The following CSMD2 variants were observed in gnomAD, a reference collection of about 807,000 sequenced individuals.
CSMD2 encodes CUB and Sushi multiple domains 2.
Under a neutral mutation model 398.5 loss-of-function variants are expected in CSMD2, and 130 were observed. That is an observed-to-expected ratio of 0.33 (90% CI 0.28 to 0.38). The LOEUF (loss-of-function observed/expected upper bound fraction) is 0.38, where lower values mean the gene tolerates loss of function less well. Ranked by LOEUF, CSMD2 falls within the 10% of genes least tolerant of loss-of-function variation. CSMD2 has a pLI of 1.00. For missense variants in CSMD2, 3,829 were observed against 4,764.9 expected (o/e 0.80, Z 5.78); for synonymous variants, 1,828 against 1,908.5 (o/e 0.96, Z 1.10).
rs183286325 is a variant in CSMD2, at chr1:33,530,670, T to C, written c.10171+2380A>G. On this transcript the variant is annotated intron_variant, in intron 64 of 70. Coordinates refer to ENST00000373381, the MANE Select transcript of CSMD2 (RefSeq NM_001281956.2). Reference sequence around the variant, plus strand: ...ATGTTTATTGAGGCATTATTCATAATAGCCAAGATACGGAAACAACCTAAG... The same window carrying C: ...ATGTTTATTGAGGCATTATTCATAACAGCCAAGATACGGAAACAACCTAAG... Among the ~76,000 whole-genome samples, 299 of 152,312 alleles carry C rather than the reference T, an allele frequency of 2.0e-3. 1 individual carries two copies. Among genetic ancestry groups the C allele is most frequent in the Non-Finnish European group, 3.0e-3 (201 of 68,018 alleles).
At position 33,540,595 on chromosome 1, in the gene CSMD2, C is replaced by T. The variant is rs758074673; in HGVS notation, c.9561G>A (p.Gln3187=). ...SVTYACLEGY[Q]LSLPAVFTCE... ...AGGTGAACACCGCGGGCAGGGAGAG[C>T]TGGTACCCCTCCAGGCAGGCATAAG... The change falls in exon 60 of 71, where the codon CAG becomes CAA. Residue 3187 remains glutamine, a synonymous_variant. Coordinates refer to ENST00000373381, the MANE Select transcript of CSMD2 (RefSeq NM_001281956.2). The T allele has an allele frequency of 6.2e-7, 1 of 1,614,214 alleles. No individual in the cohort carries two copies. The highest frequency in any genetic ancestry group is 1.7e-5 in the Admixed American group (1 of 60,026).
intron 44 of CSMD2, chr1:33,599,136 T>C (rs963080085): frequency 7.2e-5 from 11 of 152,212 alleles, no homozygotes; most frequent in Admixed American, 2.0e-4. Context: ...ATTTACACCA[T>C]AGCAAGGGCC....
At chr1:34,079,119 T>G (rs770265076) in intron 2 of CSMD2, among the ~76,000 whole-genome samples, 19 of 152,136 alleles carry the variant, frequency 1.2e-4, no homozygotes, top group Non-Finnish European at 1.0e-4. Context: ...AAATTTTTAT[T>G]AGAAGGGTAT....
At chr1:33,853,732 A>G (rs1033637333) in intron 5 of CSMD2, among the ~76,000 whole-genome samples, 1 of 152,110 alleles carries the variant, frequency 6.6e-6, no homozygotes, top group Non-Finnish European at 1.5e-5. Flanking sequence ...AGGCCATGGG[A>G]GTGCTGGGTA....
At chr1:34,112,007 TC>T (rs1558405842) in intron 1 of CSMD2, among the ~76,000 whole-genome samples, 15 of 151,640 alleles carry the variant, frequency 9.9e-5, no homozygotes, top group African/African-American at 3.1e-4. Flanking sequence ...TCTCTCTCTC[TC>T]TCTCTCTCTC....
intron 1 of CSMD2, among the ~76,000 whole-genome samples, chr1:34,158,791 C>T (rs1641042462): frequency 6.6e-6 from 1 of 152,198 alleles, no homozygotes; most frequent in Admixed American, 6.5e-5. Context: ...ATCCCGCCTT[C>T]TTTACCTACC....
intron 5 of CSMD2, among the ~76,000 whole-genome samples, chr1:33,900,619 A>C (rs774786401): frequency 1.3e-4 from 20 of 152,182 alleles, no homozygotes; most frequent in Non-Finnish European, 2.4e-4. Context: ...TCTACTAAAA[A>C]TACAAATAAA....
intron 3 of CSMD2, among the ~76,000 whole-genome samples, chr1:34,014,696 G>A (rs1647837557): frequency 6.6e-6 from 1 of 152,264 alleles, no homozygotes; most frequent in African/African-American, 2.4e-5. Flanking sequence ...AAGGGCAAGG[G>A]CTGGTGCTAC....
At position 33,522,436 on chromosome 1, in the gene CSMD2, C is replaced by T. The variant is rs76916852; in HGVS notation, c.10509+871G>A. ...TTGTTCCTGCACAGCTTTTGGGCCACGATGATTGAAGCTGGCCCATACTTG... is the reference window on the plus strand; with the variant it reads ...TTGTTCCTGCACAGCTTTTGGGCCATGATGATTGAAGCTGGCCCATACTTG... On this transcript the variant is annotated intron_variant, in intron 67 of 70. Coordinates refer to ENST00000373381, the MANE Select transcript of CSMD2 (RefSeq NM_001281956.2). Among the ~76,000 whole-genome samples the T allele has an allele frequency of 7.6e-3, 1,152 of 152,244 alleles. 5 individuals are homozygous for T. The highest frequency in any genetic ancestry group is 0.013 in the Non-Finnish European group (853 of 68,010).
chr1:33,932,558 C>T (rs1194437671), intron 4 of CSMD2, among the ~76,000 whole-genome samples: 2 of 152,154 alleles, frequency 1.3e-5, no homozygotes, highest in Non-Finnish European at 2.9e-5. Context: ...TGGTATCTCT[C>T]CACCCTGCTC....
chr1:33,617,031 T>C, intron 38 of CSMD2, 56 bp from the exon 39 acceptor site: 3 of 1,402,538 alleles, frequency 2.1e-6, no homozygotes, highest in Non-Finnish European at 2.0e-6. Context: ...CAATTGTATG[T>C]ACAACCAGGG....
chr1:33,988,219 C>A (rs553089294), intron 3 of CSMD2, among the ~76,000 whole-genome samples: 1 of 152,286 alleles, frequency 6.6e-6, no homozygotes, highest in African/African-American at 2.4e-5. Context: ...AAAGTCACTC[C>A]CTGCTGTCAG....
intron 10 of CSMD2, among the ~76,000 whole-genome samples, chr1:33,803,410 C>A (rs1294327522): frequency 6.6e-6 from 1 of 152,168 alleles, no homozygotes; most frequent in East Asian, 1.9e-4. Context: ...CACAGACATT[C>A]CAAATGCACT....
intron 3 of CSMD2, among the ~76,000 whole-genome samples, chr1:33,971,327 T>C (rs1221345882): frequency 2.6e-5 from 4 of 152,340 alleles, no homozygotes; most frequent in East Asian, 1.9e-4. Flanking sequence ...GGTGAGCCAG[T>C]GTGGCGGCTT....
chr1:33,881,214 C>T (rs1401690850), intron 5 of CSMD2, among the ~76,000 whole-genome samples: 1 of 152,218 alleles, frequency 6.6e-6, no homozygotes, highest in Non-Finnish European at 1.5e-5. Context: ...TATTCATTTT[C>T]CTGCAACCCT....
Position 34,141,795 on chromosome 1 carries a change from C to T in CSMD2, c.187+23116G>A, listed in dbSNP as rs146236438. 3.5e-3 allele frequency among the ~76,000 whole-genome samples: 526 copies of T among 152,194 alleles called. 1 individual carries two copies. Among genetic ancestry groups the T allele is most frequent in the East Asian group, 0.024 (126 of 5,182 alleles). Reference sequence around the variant, plus strand: ...CAGGTTGGAGGAAAATGGAAATAGGCGAGAATGCAAGGAGGGAAACCAGGG... The same window carrying T: ...CAGGTTGGAGGAAAATGGAAATAGGTGAGAATGCAAGGAGGGAAACCAGGG... On this transcript the variant is annotated intron_variant, in intron 1 of 70. Coordinates refer to ENST00000373381, the MANE Select transcript of CSMD2 (RefSeq NM_001281956.2).
chr1:33,706,852 T>C (rs527647120), intron 22 of CSMD2, among the ~76,000 whole-genome samples: 5 of 151,634 alleles, frequency 3.3e-5, no homozygotes, highest in Non-Finnish European at 7.4e-5. Flanking sequence ...GTGTGTGCAT[T>C]GTGTGCGTGT....
intron 5 of CSMD2, among the ~76,000 whole-genome samples, chr1:33,889,192 T>A (rs1481836312): frequency 6.6e-6 from 1 of 152,186 alleles, no homozygotes; most frequent in East Asian, 1.9e-4. Flanking sequence ...TTGATTTTAA[T>A]ACATGTTAAA....
At chr1:33,560,511 C>T (rs530497434) in intron 53 of CSMD2, among the ~76,000 whole-genome samples, 6 of 152,322 alleles carry the variant, frequency 3.9e-5, no homozygotes, top group African/African-American at 1.4e-4. Flanking sequence ...GTTCCTGCCT[C>T]AGGGCCTTTG....
Sources: allele counts gnomAD v4.1 joint callset (sites outside exome capture counted in the v4.1 genomes callset), GRCh38; gene constraint gnomAD v4.1.1; transcripts MANE v1.5; gene names NCBI Gene and HGNC (gene_info 2026-07-23, HGNC 2026-07-21).